FHIP1A: variants seen among roughly 807,000 people sequenced by gnomAD.
FHIP1A encodes FHF complex subunit HOOK interacting protein 1A.
A neutral mutation model predicts 88.6 loss-of-function variants in FHIP1A; 61 were observed. The observed-to-expected ratio is 0.69, with a 90% CI of 0.56 to 0.85. The LOEUF (loss-of-function observed/expected upper bound fraction) is 0.85. Among genes scored for constraint, FHIP1A ranks in the 40% least tolerant of loss-of-function variants. FHIP1A has a pLI of 0.00. For missense variants in FHIP1A, 1,154 were observed against 1,273.5 expected (o/e 0.91, Z 1.43); for synonymous variants, 478 against 496.0 (o/e 0.96, Z 0.48).
At chr4:151,609,062 G>A (rs1735192574) in intron 7 of FHIP1A, among the ~76,000 whole-genome samples, 1 of 152,170 alleles carries the variant, frequency 6.6e-6, no homozygotes, top group Admixed American at 6.5e-5. Flanking sequence ...CTGCTCTCCT[G>A]TGTGGTGCTA....
chr4:151,492,023 G>T (rs1730300603), intron 3 of FHIP1A, among the ~76,000 whole-genome samples: 1 of 152,100 alleles, frequency 6.6e-6, no homozygotes, highest in African/African-American at 2.4e-5. Flanking sequence ...CTACACCTAA[G>T]AAATCAGATA....
intron 7 of FHIP1A, among the ~76,000 whole-genome samples, chr4:151,622,862 T>C (rs2126866749): frequency 6.6e-6 from 1 of 152,236 alleles, no homozygotes; most frequent in South Asian, 2.1e-4. Flanking sequence ...ATGGGTTATT[T>C]GGGTATTCAA....
intron 2 of FHIP1A, among the ~76,000 whole-genome samples, chr4:151,460,376 C>A (rs1729106673): frequency 6.6e-6 from 1 of 152,088 alleles, no homozygotes; most frequent in South Asian, 2.1e-4. Flanking sequence ...ATTTCATATA[C>A]CCTGCAGATA....
At chr4:151,642,730 T>C (rs1329826080) in intron 9 of FHIP1A, among the ~76,000 whole-genome samples, 1 of 152,064 alleles carries the variant, frequency 6.6e-6, no homozygotes, top group East Asian at 1.9e-4. Context: ...TTGTTATCAA[T>C]TGATTGTCAC....
chr4:151,567,171 T>C (rs1227871594), intron 4 of FHIP1A, among the ~76,000 whole-genome samples: 2 of 152,124 alleles, frequency 1.3e-5, no homozygotes, highest in Non-Finnish European at 2.9e-5. Context: ...CCTTAGGGAG[T>C]TTACACATAG....
At chr4:151,527,063 C>T (rs1026060566) in intron 3 of FHIP1A, among the ~76,000 whole-genome samples, 4 of 151,690 alleles carry the variant, frequency 2.6e-5, no homozygotes, top group Admixed American at 2.0e-4. Context: ...CAGAGGGGCT[C>T]CTCACATCCC....
In FHIP1A at chr4:151,665,593, A is replaced by C. The variant is rs1257992458; in HGVS notation, c.*2839A>C. 6.6e-6 allele frequency among the ~76,000 whole-genome samples: 1 copy of C among 152,168 alleles called. No homozygotes were observed. The highest frequency in any genetic ancestry group is 1.9e-4 in the East Asian group (1 of 5,182). ...ACATGCCAAAGAAAAACAGCAGAGA[A>C]CTGAGTCTATCCACGGGAGAAGAGC... On this transcript the variant is annotated 3_prime_UTR_variant, in exon 14 of 14. Coordinates refer to ENST00000435205, the MANE Select transcript of FHIP1A (RefSeq NM_001109977.3).
intron 3 of FHIP1A, among the ~76,000 whole-genome samples, chr4:151,497,876 G>A (rs2126657480): frequency 6.6e-6 from 1 of 152,308 alleles, no homozygotes; most frequent in Non-Finnish European, 1.5e-5. Context: ...TGCTAAATCG[G>A]TTTGGTGAGA....
At chr4:151,558,804 G>C (rs1733059419) in intron 3 of FHIP1A, among the ~76,000 whole-genome samples, 1 of 152,178 alleles carries the variant, frequency 6.6e-6, no homozygotes, top group Admixed American at 6.5e-5. Flanking sequence ...CACTGATCTA[G>C]ACTGACAAAA....
intron 4 of FHIP1A, among the ~76,000 whole-genome samples, chr4:151,574,731 C>A (rs940913525): frequency 2.0e-5 from 3 of 152,016 alleles, no homozygotes; most frequent in African/African-American, 7.2e-5. Context: ...ACCTTAAAAT[C>A]TCATTTATAT....
At chr4:151,492,591 CAAAAA>C (rs59887435) in intron 3 of FHIP1A, among the ~76,000 whole-genome samples, 1 of 94,232 alleles carries the variant, frequency 1.1e-5, no homozygotes. Flanking sequence ...GGCTGTGTCT[CAAAAA>C]AAAAAAAAAA....
At position 151,665,319 on chromosome 4, in the gene FHIP1A, G is replaced by A. The variant is rs1190010037; in HGVS notation, c.*2565G>A. ...AAATGAGGACAGAGATGACTGGTGT[G>A]TGCAGTGACAGGCAGGAGAATGTAA... On this transcript the variant is annotated 3_prime_UTR_variant, in exon 14 of 14. Transcript: ENST00000435205. 1.3e-5 allele frequency among the ~76,000 whole-genome samples: 2 copies of A among 152,198 alleles called. No individual in the cohort carries two copies. Among genetic ancestry groups the A allele is most frequent in the Non-Finnish European group, 2.9e-5 (2 of 68,046 alleles).
At chr4:151,593,141 T>C (rs899658850) in intron 7 of FHIP1A, among the ~76,000 whole-genome samples, 2 of 152,340 alleles carry the variant, frequency 1.3e-5, no homozygotes, top group African/African-American at 4.8e-5. Context: ...TTGGTACCAG[T>C]ACCCTGCTGT....
intron 3 of FHIP1A, among the ~76,000 whole-genome samples, chr4:151,542,724 A>G (rs1369954965): frequency 6.6e-6 from 1 of 152,076 alleles, no homozygotes; most frequent in East Asian, 1.9e-4. Context: ...CCTGCTCCTC[A>G]AAAGTCAGTT....
Position 151,638,765 on chromosome 4 carries a change from C to T in FHIP1A, c.1226+9C>T, listed in dbSNP as rs1736461537. 1 of 1,515,372 alleles carries T rather than the reference C, an allele frequency of 6.6e-7. No individual in the cohort carries two copies. The highest frequency in any genetic ancestry group is 8.9e-7 in the Non-Finnish European group (1 of 1,120,450). The allele number at this position is 1,515,372 out of a possible 1,614,324, so 93.9% of individuals were successfully genotyped here. A position where few individuals can be genotyped will look rare whatever the true frequency, so the allele number is the denominator to read the frequency against. ...TTACAGCTAGTTCTAAGGTGAGTTG[C>T]CTTTTTTGTTTCCTTTAAAGAAAAA... On this transcript the variant is annotated intron_variant, in intron 9 of 13. Transcript: ENST00000435205.
chr4:151,636,344 T>C (rs1736351483), intron 8 of FHIP1A, among the ~76,000 whole-genome samples: 1 of 152,002 alleles, frequency 6.6e-6, no homozygotes, highest in African/African-American at 2.4e-5. Context: ...TGTTTTTCAC[T>C]AAGATAAGGA....
intron 7 of FHIP1A, among the ~76,000 whole-genome samples, chr4:151,601,705 AT>A (rs1734874468): frequency 6.6e-6 from 1 of 151,538 alleles, no homozygotes; most frequent in South Asian, 2.1e-4. Context: ...GTGGAAGAGC[AT>A]TAGACTGTGA....
chr4:151,644,814 C>T (rs942011911), intron 9 of FHIP1A, among the ~76,000 whole-genome samples: 4 of 152,136 alleles, frequency 2.6e-5, no homozygotes, highest in African/African-American at 7.2e-5. Flanking sequence ...TGCACCCTGG[C>T]GCCCTCCTGT....
intron 1 of FHIP1A, among the ~76,000 whole-genome samples, chr4:151,412,110 G>C (rs1351299367): frequency 6.6e-6 from 1 of 152,110 alleles, no homozygotes; most frequent in Non-Finnish European, 1.5e-5. Context: ...GAGATAATAA[G>C]GGACTTTTTT....
Sources: allele counts gnomAD v4.1 joint callset (sites outside exome capture counted in the v4.1 genomes callset), GRCh38; gene constraint gnomAD v4.1.1; transcripts MANE v1.5; gene names NCBI Gene and HGNC (gene_info 2026-07-23, HGNC 2026-07-21).